PHACTR4: variants seen among roughly 807,000 people sequenced by gnomAD.
PHACTR4 encodes the protein protein phosphatase 1, regulatory subunit 124.
A neutral mutation model predicts 72.7 loss-of-function variants in PHACTR4; 51 were observed. The ratio of observed to expected loss-of-function variants is 0.70; its 90% CI spans 0.56 to 0.89. PHACTR4 has a LOEUF of 0.89. Ranked by LOEUF, PHACTR4 falls within the 40% of genes least tolerant of loss-of-function variation. PHACTR4 has a pLI of 0.00. For synonymous variants in PHACTR4, 255 were observed against 302.5 expected (o/e 0.84, Z 1.63); for missense variants, 731 against 861.8 (o/e 0.85, Z 1.90).
At chr1:28,465,973 C>T in intron 5 of PHACTR4, 124 bp downstream of exon 5, 1 of 940,472 alleles carries the variant, frequency 1.1e-6, no homozygotes, top group Non-Finnish European at 1.5e-6. Flanking sequence ...TTAACAATAC[C>T]TTAACTAGCA....
intron 2 of PHACTR4, among the ~76,000 whole-genome samples, chr1:28,408,366 C>T (rs1034572324): frequency 1.3e-5 from 2 of 152,118 alleles, no homozygotes; most frequent in Non-Finnish European, 2.9e-5. Context: ...TTGAGACCAG[C>T]CTGGCTGACA....
intron 2 of PHACTR4, among the ~76,000 whole-genome samples, chr1:28,457,101 C>T (rs1467906446): frequency 1.3e-5 from 2 of 152,076 alleles, no homozygotes; most frequent in Admixed American, 6.6e-5. Flanking sequence ...CCTAAGTCTT[C>T]TGGGCATAGC....
At chr1:28,434,368 C>G (rs1217877311) in intron 2 of PHACTR4, among the ~76,000 whole-genome samples, 1 of 150,844 alleles carries the variant, frequency 6.6e-6, no homozygotes, top group Non-Finnish European at 1.5e-5. Flanking sequence ...GTCACCCCGG[C>G]TGGAATGCAG....
At chr1:28,395,202 A>T (rs4908420) in intron 1 of PHACTR4, among the ~76,000 whole-genome samples, 2 of 151,770 alleles carry the variant, frequency 1.3e-5, no homozygotes, top group African/African-American at 4.8e-5. Context: ...ATGAGCCACC[A>T]GGCCCGGCTG....
Position 28,403,011 on chromosome 1 carries a change from A to G in PHACTR4, c.-38-4399A>G, listed in dbSNP as rs114803198. Among the ~76,000 whole-genome samples the G allele has an allele frequency of 5.0e-3, 757 of 152,336 alleles. 5 individuals are homozygous for G. Among genetic ancestry groups the G allele is most frequent in the African/African-American group, 0.017 (709 of 41,570 alleles). ...GTGAAAGGACCATGTGGTATTGAAA[A>G]TTGCGATCTGTGATTTCGATAGCTT... is the stretch of plus-strand genomic sequence containing the variant. On this transcript the variant is annotated intron_variant, in intron 1 of 13. Coordinates refer to ENST00000373839, the MANE Select transcript of PHACTR4 (RefSeq NM_001048183.3).
intron 6 of PHACTR4, among the ~76,000 whole-genome samples, chr1:28,470,222 A>G (rs761785609): frequency 6.6e-6 from 1 of 151,914 alleles, no homozygotes; most frequent in African/African-American, 2.4e-5. Flanking sequence ...GCAAGACCCC[A>G]TCTCTATAAA....
In PHACTR4 at chr1:28,458,550, T is replaced by G. The variant is rs934291302; in HGVS notation, c.17-535T>G. The stretch of plus-strand genomic sequence containing the variant: ...TTTAATGTACCCGCTTTCTAATGCT[T>G]CTGCCCCGCAACCCTGAGCACTTTC... On this transcript the variant is annotated intron_variant, in intron 2 of 13. Transcript: ENST00000373839. 3.3e-5 allele frequency among the ~76,000 whole-genome samples: 5 copies of G among 152,290 alleles called. No homozygotes were observed. The South Asian group carries it at 6.2e-4, about 19-fold the overall frequency.
intron 1 of PHACTR4, among the ~76,000 whole-genome samples, chr1:28,398,409 A>G (rs1212035930): frequency 6.6e-6 from 1 of 152,060 alleles, no homozygotes; most frequent in East Asian, 1.9e-4. Context: ...AGTCCCAGCT[A>G]CTCAGGAGGC....
chr1:28,428,773 G>A (rs1473904370), intron 2 of PHACTR4, among the ~76,000 whole-genome samples: 9 of 152,190 alleles, frequency 5.9e-5, no homozygotes, highest in Admixed American at 3.9e-4. Context: ...AATGGAAGGA[G>A]AGGAGCCAAA....
At chr1:28,409,876 T>C (rs1654642910) in intron 2 of PHACTR4, among the ~76,000 whole-genome samples, 1 of 151,746 alleles carries the variant, frequency 6.6e-6, no homozygotes. Flanking sequence ...TATGCCTAGT[T>C]CATCAATTAG....
intron 1 of PHACTR4, among the ~76,000 whole-genome samples, chr1:28,379,350 C>T (rs1202754574): frequency 1.3e-5 from 2 of 151,832 alleles, no homozygotes; most frequent in East Asian, 3.9e-4. Context: ...TCACTGCAAC[C>T]TCTACCTCCT....
Position 28,498,260 on chromosome 1 carries a change from G to A in PHACTR4, c.*1711G>A, listed in dbSNP as rs1661478916. The A allele has an allele frequency of 6.6e-6, 1 of 152,318 alleles. No homozygotes were observed. The highest frequency in any genetic ancestry group is 1.5e-5 in the Non-Finnish European group (1 of 68,122). The allele number at this position is 152,318 out of a possible 1,614,324, so 9.4% of individuals were successfully genotyped here. A position where few individuals can be genotyped will look rare whatever the true frequency, so the allele number is the denominator to read the frequency against. ...TAGGAAAGGGTCTCTGGAGAAGCAAGAAGGGCACAATCATGGCCCACTGCT... is the reference window on the plus strand; with the variant it reads ...TAGGAAAGGGTCTCTGGAGAAGCAAAAAGGGCACAATCATGGCCCACTGCT... On this transcript the variant is annotated 3_prime_UTR_variant, in exon 14 of 14. Transcript: ENST00000373839.
At chr1:28,409,470 A>G (rs1202174642) in intron 2 of PHACTR4, among the ~76,000 whole-genome samples, 1 of 152,208 alleles carries the variant, frequency 6.6e-6, no homozygotes, top group East Asian at 1.9e-4. Context: ...AAGACTAGTT[A>G]GGAAGTACTT....
intron 7 of PHACTR4, among the ~76,000 whole-genome samples, chr1:28,475,676 A>G (rs1320429920): frequency 6.6e-6 from 1 of 151,732 alleles, no homozygotes; most frequent in Admixed American, 6.6e-5. Flanking sequence ...AATTAATTAT[A>G]AGTTACTTCA....
chr1:28,488,179 G>A (rs1050196358), intron 9 of PHACTR4, among the ~76,000 whole-genome samples: 15 of 152,008 alleles, frequency 9.9e-5, no homozygotes, highest in Non-Finnish European at 2.2e-4. Context: ...AATTCCAGTG[G>A]TTCCTAAACC....
intron 2 of PHACTR4, among the ~76,000 whole-genome samples, chr1:28,412,174 T>G (rs923957164): frequency 6.6e-6 from 1 of 152,250 alleles, no homozygotes; most frequent in Non-Finnish European, 1.5e-5. Context: ...GAATTTCACT[T>G]GAAAGCTTGA....
intron 2 of PHACTR4, among the ~76,000 whole-genome samples, chr1:28,419,897 AC>A (rs974840252): frequency 5.3e-5 from 8 of 152,172 alleles, no homozygotes; most frequent in African/African-American, 1.9e-4. Flanking sequence ...ACCCATACAT[AC>A]CACGAATGTT....
intron 8 of PHACTR4, among the ~76,000 whole-genome samples, chr1:28,476,926 A>G (rs1006866082): frequency 1.6e-4 from 24 of 149,488 alleles, no homozygotes; most frequent in African/African-American, 5.7e-4. Flanking sequence ...ATGTGCCACC[A>G]CACCTGGCTA....
chr1:28,471,275 G>A (rs1659543399), intron 6 of PHACTR4, among the ~76,000 whole-genome samples: 1 of 152,180 alleles, frequency 6.6e-6, no homozygotes, highest in Non-Finnish European at 1.5e-5. Context: ...CTTGAACCCA[G>A]GAGGTGGAGG....
Sources: allele counts gnomAD v4.1 joint callset (sites outside exome capture counted in the v4.1 genomes callset), GRCh38; gene constraint gnomAD v4.1.1; transcripts MANE v1.5; gene names NCBI Gene and HGNC (gene_info 2026-07-23, HGNC 2026-07-21).